Variants in CEP85L observed in about 807,000 individuals in gnomAD.
CEP85L encodes centrosomal protein 85L, also known as centrosomal protein of 85 kDa-like.
Under a neutral mutation model 100.3 loss-of-function variants are expected in CEP85L, and 60 were observed. The observed-to-expected ratio is 0.60, with a 90% CI of 0.49 to 0.74. The LOEUF (loss-of-function observed/expected upper bound fraction) is 0.74, where lower values mean the gene tolerates loss of function less well. CEP85L is among the 30% of genes least tolerant of loss of function. The pLI is 0.00. For missense variants in CEP85L, 973 were observed against 936.2 expected, an observed-to-expected ratio of 1.04 and a Z score of -0.51; for synonymous variants, 319 against 322.7, an observed-to-expected ratio of 0.99 and a Z score of 0.12.
chr6:118,511,120 G>T (rs1775940234), intron 5 of CEP85L, among the ~76,000 whole-genome samples, 178 bp downstream of exon 5: 1 of 152,094 alleles, frequency 6.6e-6, no homozygotes, highest in African/African-American at 2.4e-5. Context: ...GGAGAGGGGT[G>T]TGCAATCTGG....
rs142688686 is a variant in CEP85L at position 118,568,596 on chromosome 6, T to C, written c.233-2280A>G. ...TAAAGAGCCTGGCCTTCATTCAGCA[T>C]GAAATGTGGTATCACTGAGCTTCCA... On this transcript the variant is annotated intron_variant, in intron 2 of 12. Transcript: ENST00000368491. Among the ~76,000 whole-genome samples the C allele has an allele frequency of 1.3e-5, 2 of 152,314 alleles. 1 individual carries two copies. Among genetic ancestry groups the C allele is most frequent in the Non-Finnish European group, 2.9e-5 (2 of 68,026 alleles).
chr6:118,660,824 A>AC (rs1775946731), intron 1 of CEP85L, among the ~76,000 whole-genome samples: 1 of 152,128 alleles, frequency 6.6e-6, no homozygotes, highest in Non-Finnish European at 1.5e-5. Context: ...GTTTTCTCAA[A>AC]CATATTTGAG....
Position 118,465,321 on chromosome 6 carries a change from T to G in CEP85L, c.*84A>C. On this transcript the variant is annotated 3_prime_UTR_variant, in exon 13 of 13. Transcript: ENST00000368491. ...AAAAAAAATCCCTAAGTGCAAGTCA[T>G]GTCACTTGCAACCTTCCATTATGGC... The G allele has an allele frequency of 1.5e-6, 2 of 1,292,526 alleles. No individual in the cohort carries two copies. Among genetic ancestry groups the G allele is most frequent in the Non-Finnish European group, 2.1e-6 (2 of 946,532 alleles). 80.1% of individuals were successfully genotyped at this position (1,292,526 alleles called of 1,614,324 possible).
chr6:118,670,512 A>G (rs1056120054), intron 1 of CEP85L, among the ~76,000 whole-genome samples: 1 of 151,914 alleles, frequency 6.6e-6, no homozygotes, highest in Non-Finnish European at 1.5e-5. Flanking sequence ...AAGTGAGAAC[A>G]TGTGGTATTT....
In CEP85L at chr6:118,502,063, C is replaced by T. The variant is rs1775341403; in HGVS notation, c.1257+9235G>A. 12 of 846,222 alleles carry T rather than the reference C, an allele frequency of 1.4e-5. No individual in the cohort carries two copies. In the Middle Eastern group the frequency reaches 1.5e-3, roughly 105 times the overall value. 52.4% of individuals were successfully genotyped at this position (846,222 alleles called of 1,614,324 possible). ...AACAAGAAGACTGGGACTTCCCCAT[C>T]CTGTGGATCCCATTGTAGGAGAGCC... On this transcript the variant is annotated intron_variant, in intron 5 of 12. Transcript: ENST00000368491.
rs548244851 is a variant in CEP85L at position 118,706,185 on chromosome 6, C to T, written c.-28+3851G>A. Among the ~76,000 whole-genome samples the T allele has an allele frequency of 3.7e-4, 57 of 152,268 alleles. 1 individual carries two copies. The South Asian group carries it at 0.01, about 27-fold the overall frequency. ...TAACCACAGAACACAGACACTCTGA[C>T]AAGGGGATTATTTTTAGTTTCATTT... On this transcript the variant is annotated intron_variant, in intron 1 of 13. Transcript: ENST00000368488.
At chr6:118,611,789 AG>A (rs1562308142) in intron 2 of CEP85L, among the ~76,000 whole-genome samples, 14 of 152,200 alleles carry the variant, frequency 9.2e-5, no homozygotes, top group African/African-American at 2.2e-4. Flanking sequence ...AAGGGCCGAC[AG>A]ACCAAGAAGT....
At position 118,491,858 on chromosome 6, in the gene CEP85L, T is replaced by C. The variant is rs1041079682; in HGVS notation, c.1265A>G (p.Tyr422Cys). The C allele has an allele frequency of 5.0e-6, 8 of 1,588,068 alleles. No individual in the cohort carries two copies. In the African/African-American group the frequency reaches 5.5e-5, roughly 11 times the overall value. The change falls in exon 6 of 13, where the codon TAT (tyrosine) becomes TGT (cysteine). Residue 422 changes from tyrosine (Y) to cysteine (C), a missense_variant. Around this residue, in one of 3 missense-constraint regions of CEP85L, gnomAD observed 890 missense variants for 844.5 expected, o/e 1.05. Coordinates refer to ENST00000368491, the MANE Select transcript of CEP85L (RefSeq NM_001042475.3). ...DSYVASLQPQ[Y>C]ENTSLQTPFS... is the part of the protein sequence containing the mutation. ...TGGTGTCTGGAGTGAAGTGTTCTCATATTGTGGCTGTTAGGAAAGAAAAAA... is the reference window on the plus strand; with the variant it reads ...TGGTGTCTGGAGTGAAGTGTTCTCACATTGTGGCTGTTAGGAAAGAAAAAA...
intron 1 of CEP85L, among the ~76,000 whole-genome samples, chr6:118,709,104 T>A (rs1046862672): frequency 6.6e-6 from 1 of 151,958 alleles, no homozygotes; most frequent in African/African-American, 2.4e-5. Context: ...GAGCAGCACA[T>A]CAAGACGAAG....
intron 2 of CEP85L, among the ~76,000 whole-genome samples, chr6:118,578,528 G>A (rs1780377241): frequency 1.3e-5 from 2 of 152,066 alleles, no homozygotes; most frequent in African/African-American, 4.8e-5. Flanking sequence ...TCAGGAGATT[G>A]AGACCATCCC....
Position 118,558,889 on chromosome 6 carries a change from T to C in CEP85L, c.1020+6640A>G, listed in dbSNP as rs372647899. ...AGCTTTTTATCTTTCTCTCGACCACTTAAAACTTCAGACTTCCTGTCCTGC... is the reference window on the plus strand; with the variant it reads ...AGCTTTTTATCTTTCTCTCGACCACCTAAAACTTCAGACTTCCTGTCCTGC... On this transcript the variant is annotated intron_variant, in intron 3 of 12. Transcript: ENST00000368491. 10 of 1,599,174 alleles carry C rather than the reference T, an allele frequency of 6.3e-6. No homozygotes were observed. The African/African-American group carries it at 1.2e-4, about 19-fold the overall frequency.
At chr6:118,709,532 C>CGTGTGTGTGTGTGTGT (rs1209782027) in intron 1 of CEP85L, among the ~76,000 whole-genome samples, 16,453 of 86,386 alleles carry the variant, frequency 0.19, 1,856 homozygotes, top group Admixed American at 0.32. Context: ...CAACAATTGG[C>CGTGTGTGTGTGTGTGT]GTGTGTGTGT....
At chr6:118,469,465 A>C (rs770361555) in intron 11 of CEP85L, among the ~76,000 whole-genome samples, 162 bp from the exon 12 acceptor site, 3 of 152,228 alleles carry the variant, frequency 2.0e-5, no homozygotes, top group African/African-American at 7.2e-5. Context: ...GGGAAAAAAA[A>C]CACATAGAAA....
At chr6:118,517,629 G>A (rs1223457756) in intron 4 of CEP85L, among the ~76,000 whole-genome samples, 1 of 152,222 alleles carries the variant, frequency 6.6e-6, no homozygotes, top group South Asian at 2.1e-4. Flanking sequence ...GGCTCAAGGA[G>A]ATTTTGGGCT....
At chr6:118,471,197 C>T (rs1219961313) in intron 10 of CEP85L, among the ~76,000 whole-genome samples, 1 of 151,970 alleles carries the variant, frequency 6.6e-6, no homozygotes. Context: ...AGCTAATCTC[C>T]TTCTTACTCC....
chr6:118,666,396 G>T (rs62422247), intron 1 of CEP85L, among the ~76,000 whole-genome samples: 20,571 of 152,136 alleles, frequency 0.14, 1,784 homozygotes, highest in Non-Finnish European at 0.19. Context: ...CCCAAAAAAG[G>T]GTCAGAGCCT....
chr6:118,489,680 T>A (rs141589277), intron 6 of CEP85L, among the ~76,000 whole-genome samples: 1 of 152,258 alleles, frequency 6.6e-6, no homozygotes, highest in African/African-American at 2.4e-5. Context: ...AGGGGAACCC[T>A]TGAACACTTG....
intron 2 of CEP85L, among the ~76,000 whole-genome samples, chr6:118,615,435 T>TG (rs1349081768): frequency 4.0e-5 from 3 of 74,914 alleles, no homozygotes; most frequent in African/African-American, 1.7e-4. Context: ...AAAAAGTAAA[T>TG]GGGAAAAAAA....
At chr6:118,613,514 T>C (rs916577187) in intron 2 of CEP85L, among the ~76,000 whole-genome samples, 1 of 152,104 alleles carries the variant, frequency 6.6e-6, no homozygotes, top group Non-Finnish European at 1.5e-5. Context: ...CCTAGTACTT[T>C]GTGGGGCCAA....
Sources: allele counts gnomAD v4.1 joint callset (sites outside exome capture counted in the v4.1 genomes callset), GRCh38; gene constraint gnomAD v4.1.1; regional missense constraint gnomAD v4.1.1; transcripts MANE v1.5; gene names NCBI Gene and HGNC (gene_info 2026-07-23, HGNC 2026-07-21).